The following PARVB variants were observed in gnomAD, a reference collection of about 807,000 sequenced individuals.
PARVB encodes the protein parvin beta.
A neutral mutation model predicts 47.0 loss-of-function variants in PARVB; 46 were observed. The observed-to-expected ratio is 0.98, with a 90% CI of 0.77 to 1.25. The LOEUF is 1.25. Ranked by LOEUF, PARVB falls within the 50% of genes most tolerant of loss-of-function variation. The probability of loss-of-function intolerance (pLI) is 0.00; values close to 1 mark genes in which losing one functional copy is unlikely to be tolerated. For missense variants in PARVB, 473 were observed against 471.6 expected (o/e 1.00, Z -0.03); for synonymous variants, 196 against 196.3 (o/e 1.00, Z 0.01).
At chr22:44,134,911 C>A (rs2053409716) in intron 6 of PARVB, among the ~76,000 whole-genome samples, 1 of 152,212 alleles carries the variant, frequency 6.6e-6, no homozygotes, top group African/African-American at 2.4e-5. Flanking sequence ...TAGACCTGGG[C>A]CCAGCACCTG....
Position 44,168,654 on chromosome 22 carries a change from C to T in PARVB, c.1071C>T (p.Phe357=). The T allele has an allele frequency of 1.2e-6, 2 of 1,611,962 alleles. No individual in the cohort carries two copies. Residue 357 remains phenylalanine, a synonymous_variant, in exon 13 of 13, where the codon TTC becomes TTT. Coordinates refer to ENST00000338758, the MANE Select transcript of PARVB (RefSeq NM_013327.5). ...CCCTGAGGGTTCTTTACAACCTGTTCACCAAGTACAAGAACGTGGAGTGAC... is the reference window on the plus strand; with the variant it reads ...CCCTGAGGGTTCTTTACAACCTGTTTACCAAGTACAAGAACGTGGAGTGAC... ...KSTLRVLYNL[F]TKYKNVE is the part of the protein sequence containing the mutation.
intron 10 of PARVB, chr22:44,153,257 C>G (rs924447453): frequency 2.0e-5 from 3 of 152,194 alleles, no homozygotes; most frequent in Admixed American, 6.5e-5. Context: ...GAGACCTCCC[C>G]CTTCAGACTC....
intron 1 of PARVB, among the ~76,000 whole-genome samples, chr22:44,033,386 G>A (rs548511880): frequency 3.9e-5 from 6 of 152,248 alleles, no homozygotes; most frequent in East Asian, 3.9e-4. Context: ...ACTGTTTAGC[G>A]TGTGCAGAGA....
At chr22:44,062,796 G>A (rs998561662) in intron 1 of PARVB, among the ~76,000 whole-genome samples, 1 of 152,200 alleles carries the variant, frequency 6.6e-6, no homozygotes, top group Non-Finnish European at 1.5e-5. Flanking sequence ...CCCTGGAGTT[G>A]GGGTGTGCCA....
At chr22:44,147,713 A>T (rs1217514938) in intron 8 of PARVB, 148 bp from the exon 9 acceptor site, 1 of 782,662 alleles carries the variant, frequency 1.3e-6, no homozygotes, top group Admixed American at 1.7e-5. Flanking sequence ...CAGCCCTTTC[A>T]TTCTGGTAGG....
At chr22:44,039,890 C>T in intron 1 of PARVB, 1 of 454,924 alleles carries the variant, frequency 2.2e-6, no homozygotes, top group Admixed American at 2.4e-5. Flanking sequence ...TCATAGCTCA[C>T]TGCAGCCTCG....
At chr22:44,107,187 T>C (rs2147086133) in intron 3 of PARVB, 1 of 152,380 alleles carries the variant, frequency 6.6e-6, no homozygotes, top group East Asian at 1.9e-4. Flanking sequence ...GGAAGACTTA[T>C]CCAAAAGTCA....
At chr22:44,161,371 T>C (rs1182268363) in intron 11 of PARVB, among the ~76,000 whole-genome samples, 1 of 149,732 alleles carries the variant, frequency 6.7e-6, no homozygotes, top group Non-Finnish European at 1.5e-5. Context: ...TGGAGTGCAG[T>C]GGCACGATCT....
At chr22:44,042,554 C>T (rs760818303) in intron 1 of PARVB, among the ~76,000 whole-genome samples, 56 of 152,346 alleles carry the variant, frequency 3.7e-4, no homozygotes, top group Non-Finnish European at 6.6e-4. Flanking sequence ...CCCGTGTCTT[C>T]ACACGTCCTG....
chr22:44,055,248 G>T (rs1601534320), intron 1 of PARVB, among the ~76,000 whole-genome samples: 1 of 152,104 alleles, frequency 6.6e-6, no homozygotes. Context: ...CCCACCAGAG[G>T]TGACCAGTGC....
At chr22:44,128,325 G>A (rs139059472) in intron 4 of PARVB, among the ~76,000 whole-genome samples, 73 of 152,294 alleles carry the variant, frequency 4.8e-4, no homozygotes, top group African/African-American at 1.7e-3. Flanking sequence ...CCCCCATGTG[G>A]CCATCACTCA....
chr22:44,026,481 A>G, intron 1 of PARVB: 1 of 366,266 alleles, frequency 2.7e-6, no homozygotes, highest in Non-Finnish European at 3.8e-6. Flanking sequence ...GACAGGCTGG[A>G]TTGGGAAGGG....
intron 9 of PARVB, 68 bp downstream of exon 9, chr22:44,147,990 C>G (rs2053724546): frequency 1.5e-5 from 18 of 1,184,918 alleles, no homozygotes; most frequent in Non-Finnish European, 2.1e-5. Context: ...CACAAACGCC[C>G]CGCTGGGAAG....
At chr22:44,073,881 A>G (rs756598083) in intron 1 of PARVB, among the ~76,000 whole-genome samples, 29 of 152,230 alleles carry the variant, frequency 1.9e-4, no homozygotes, top group Non-Finnish European at 3.8e-4. Flanking sequence ...ATGAGCGAGC[A>G]TGATTGCCAT....
rs2146972088 is a variant in PARVB at position 44,068,351 on chromosome 22, G to A, written c.113-25577G>A. Among the ~76,000 whole-genome samples the A allele has an allele frequency of 1.3e-5, 2 of 152,330 alleles. No homozygotes were observed. Among genetic ancestry groups the A allele is most frequent in the Non-Finnish European group, 2.9e-5 (2 of 68,030 alleles). ...AGAGCCCGCCTGTGTCACCTGGTAG[G>A]GAGGGGCTGGGCCTGGTGTTATAAA... On this transcript the variant is annotated intron_variant, in intron 1 of 12. Coordinates refer to ENST00000338758, the MANE Select transcript of PARVB (RefSeq NM_013327.5). This position sits in a 1 kb window ranked among gnomAD's most constrained non-coding sequence, Gnocchi z 4.1.
chr22:44,053,048 A>G (rs576601478), intron 1 of PARVB, among the ~76,000 whole-genome samples: 1 of 152,076 alleles, frequency 6.6e-6, no homozygotes, highest in East Asian at 1.9e-4. Context: ...AACAATTTAA[A>G]TAACACACAC....
intron 2 of PARVB, among the ~76,000 whole-genome samples, chr22:44,097,564 T>TCTGAATCAGGCCCCTGCC (rs2147057905): frequency 6.6e-6 from 1 of 152,324 alleles, no homozygotes; most frequent in African/African-American, 2.4e-5. Context: ...AAGCGCCTGC[T>TCTGAATCAGGCCCCTGCC]CTGAATCAGG....
intron 1 of PARVB, among the ~76,000 whole-genome samples, chr22:44,082,462 T>G (rs1428977740): frequency 6.6e-6 from 1 of 152,078 alleles, no homozygotes; most frequent in Non-Finnish European, 1.5e-5. Context: ...GAGGTTGCAG[T>G]GAGCCAAGAT....
chr22:44,135,078 A>G (rs1443235305), intron 6 of PARVB, among the ~76,000 whole-genome samples: 2 of 152,200 alleles, frequency 1.3e-5, no homozygotes, highest in African/African-American at 4.8e-5. Context: ...AACTCAGGAA[A>G]GGGATGGAAG....
Sources: allele counts gnomAD v4.1 joint callset (sites outside exome capture counted in the v4.1 genomes callset), GRCh38; gene constraint gnomAD v4.1.1; non-coding constraint Gnocchi (gnomAD v3.1); transcripts MANE v1.5; gene names NCBI Gene and HGNC (gene_info 2026-07-23, HGNC 2026-07-21).